Variants in PCMTD2 observed in about 807,000 individuals in gnomAD.
PCMTD2 encodes protein-L-isoaspartate O-methyltransferase domain-containing protein 2.
A neutral mutation model predicts 33.4 loss-of-function variants in PCMTD2; 16 were observed. That is an observed-to-expected ratio of 0.48 (90% CI 0.32 to 0.73). The LOEUF (loss-of-function observed/expected upper bound fraction) is 0.73. Ranked by LOEUF, PCMTD2 falls within the 30% of genes least tolerant of loss-of-function variation. PCMTD2 has a pLI of 0.03. For synonymous variants in PCMTD2, 161 were observed against 160.8 expected (o/e 1.00, Z -0.01); for missense variants, 374 against 449.9 (o/e 0.83, Z 1.53).
Position 64,274,286 on chromosome 20 carries a change from A to C in PCMTD2, c.*686A>C. The C allele has an allele frequency of 6.7e-6, 1 of 149,306 alleles. No homozygotes were observed. The allele number at this position is 149,306 out of a possible 1,614,324, so 9.2% of individuals were successfully genotyped here. On this transcript the variant is annotated 3_prime_UTR_variant, in exon 6 of 6. Coordinates refer to ENST00000308824, the MANE Select transcript of PCMTD2 (RefSeq NM_018257.3). ...GATAATCTTTCTGGAATTCCGAGAG[A>C]ATTCCAAAGAGGGTTTTTTTTTTTT...
rs1341205429 is a variant in PCMTD2, at chr20:64,265,359, A to C, written c.512A>C (p.Lys171Thr). Residue 171 changes from lysine to threonine, a missense_variant, in exon 4 of 6, where the codon AAA (lysine) becomes ACA (threonine). Transcript: ENST00000308824. ...GTATACTGTGGGGCTGGCGTGCAGA[A>C]AGAGCATGAAGAGTACATGAAGAAT... ...DRVYCGAGVQ[K>T]EHEEYMKNLL... The C allele has an allele frequency of 6.2e-7, 1 of 1,613,636 alleles. No homozygotes were observed. Among genetic ancestry groups the C allele is most frequent in the Non-Finnish European group, 8.5e-7 (1 of 1,179,900 alleles).
intron 2 of PCMTD2, 103 bp downstream of exon 2, chr20:64,260,375 G>T: frequency 2.6e-6 from 2 of 759,628 alleles, no homozygotes; most frequent in Non-Finnish European, 4.5e-6. Context: ...GGTCGAGACC[G>T]CAGCCTTCCC....
intron 1 of PCMTD2, among the ~76,000 whole-genome samples, chr20:64,257,249 C>A (rs1239004727): frequency 6.6e-6 from 1 of 152,218 alleles, no homozygotes; most frequent in Non-Finnish European, 1.5e-5. Context: ...TGTGTTGACA[C>A]AGCCACAATC....
chr20:64,259,941 G>A lies in PCMTD2; in HGVS notation c.-24-1G>A, dbSNP rs767646038. Reference sequence around the variant, plus strand: ...CTCTTTTTAAACATTTTTAATTATAGTATTGCCTAAGTGTAATCTTGAACA... The same window carrying A: ...CTCTTTTTAAACATTTTTAATTATAATATTGCCTAAGTGTAATCTTGAACA... On this transcript the variant is annotated splice_acceptor_variant, in intron 1 of 5. Transcript: ENST00000308824. LOFTEE classifies it low-confidence loss of function (5UTR_SPLICE). The A allele has an allele frequency of 1.3e-6, 2 of 1,494,762 alleles. No individual in the cohort carries two copies. Among genetic ancestry groups the A allele is most frequent in the Non-Finnish European group, 1.9e-6 (2 of 1,077,624 alleles). 92.6% of individuals were successfully genotyped at this position (1,494,762 alleles called of 1,614,324 possible).
intron 2 of PCMTD2, among the ~76,000 whole-genome samples, chr20:64,263,763 G>A (rs1456911834): frequency 6.6e-6 from 1 of 152,142 alleles, no homozygotes; most frequent in African/African-American, 2.4e-5. Flanking sequence ...GGTGATGACC[G>A]TTTTGCCTTT....
chr20:64,256,102 C>T (rs1985152012), intron 1 of PCMTD2, among the ~76,000 whole-genome samples: 1 of 152,186 alleles, frequency 6.6e-6, no homozygotes, highest in African/African-American at 2.4e-5. Context: ...CGGTCTCTCC[C>T]GGTGCCCGTT....
chr20:64,267,861 A>T, intron 4 of PCMTD2, 26 bp from the exon 5 acceptor site: 2 of 1,605,906 alleles, frequency 1.2e-6, no homozygotes, highest in Non-Finnish European at 1.7e-6. Flanking sequence ...ATTCTTTTGA[A>T]TATTCTCATT....
At chr20:64,256,060 G>GT (rs1156249562) in intron 1 of PCMTD2, 190 bp downstream of exon 1, 1 of 152,276 alleles carries the variant, frequency 6.6e-6, no homozygotes, top group Non-Finnish European at 1.5e-5. Flanking sequence ...GGCGTCCCGC[G>GT]TTTCTCTCTC....
rs201257903 is a variant in PCMTD2 at position 64,273,364 on chromosome 20, C to T, written c.850C>T (p.Arg284Cys). The T allele has an allele frequency of 7.4e-6, 12 of 1,614,142 alleles. No individual in the cohort carries two copies. The highest frequency in any genetic ancestry group is 6.7e-5 in the Admixed American group (4 of 60,024). The change falls in exon 6 of 6, where the codon CGC becomes TGC. Residue 284 changes from arginine to cysteine, a missense_variant. Transcript: ENST00000308824. ...CAGGTTTAAACGAAGGAGAGTTCGC[C>T]GCCGTCGAATGGAAACGATTGTCTT... ...TPRFKRRRVR[R>C]RRMETIVFLD...
In PCMTD2 at chr20:64,267,981, A is replaced by C; in HGVS notation, c.677A>C (p.Glu226Ala). 2.5e-6 allele frequency: 4 copies of C among 1,613,302 alleles called. No homozygotes were observed. The highest frequency in any genetic ancestry group is 3.4e-6 in the Non-Finnish European group (4 of 1,179,318). Residue 226 changes from glutamate to alanine, a missense_variant, in exon 5 of 6, where the codon GAG (glutamate) becomes GCG (alanine). Coordinates refer to ENST00000308824, the MANE Select transcript of PCMTD2 (RefSeq NM_018257.3). ...FAPLIQPCHS[E>A]SGKSRLVQLP... ...CCTCTGATCCAGCCCTGCCATTCAG[A>C]GTCAGGAAAATCAAGACTTGTCCAG...
chr20:64,264,406 T>A (rs1399129068), intron 2 of PCMTD2, 23 bp from the exon 3 acceptor site: 1 of 1,184,296 alleles, frequency 8.4e-7, no homozygotes, highest in African/African-American at 1.5e-5. Context: ...TTCTACATGT[T>A]TTCTTATTCT....
At position 64,262,765 on chromosome 20, in the gene PCMTD2, A is replaced by G. The variant is rs1040889343; in HGVS notation, c.308-1664A>G. 2.0e-5 allele frequency: 3 copies of G among 152,268 alleles called. 1 individual carries two copies. Among genetic ancestry groups the G allele is most frequent in the Admixed American group, 1.3e-4 (2 of 15,282 alleles). The allele number at this position is 152,268 out of a possible 1,614,324, so 9.4% of individuals were successfully genotyped here. A position where few individuals can be genotyped will look rare whatever the true frequency, so the allele number is the denominator to read the frequency against. ...GCTGTCCTTACCTTTGTTTGTCATC[A>G]ACCAGGGGAGAATACAGTAGCTACT... On this transcript the variant is annotated intron_variant, in intron 2 of 5. Transcript: ENST00000308824.
intron 4 of PCMTD2, among the ~76,000 whole-genome samples, chr20:64,266,339 C>G (rs1311979121): frequency 3.3e-5 from 5 of 152,144 alleles, no homozygotes; most frequent in Non-Finnish European, 4.4e-5. Context: ...CTTAGTGCAA[C>G]CTCTGCCTCC....
chr20:64,271,696 C>G (rs528110911), intron 5 of PCMTD2: 2 of 157,592 alleles, frequency 1.3e-5, no homozygotes, highest in Non-Finnish European at 2.8e-5. Context: ...GGGAGCAGCA[C>G]TGGGCTGGAT....
Position 64,275,203 on chromosome 20 carries a change from C to G in PCMTD2, c.*1603C>G, listed in dbSNP as rs1986061480. 6.6e-6 allele frequency: 1 copy of G among 152,030 alleles called. No individual in the cohort carries two copies. Among genetic ancestry groups the G allele is most frequent in the African/African-American group, 2.4e-5 (1 of 41,388 alleles). 9.4% of individuals were successfully genotyped at this position (152,030 alleles called of 1,614,324 possible). On this transcript the variant is annotated 3_prime_UTR_variant, in exon 6 of 6. Coordinates refer to ENST00000308824, the MANE Select transcript of PCMTD2 (RefSeq NM_018257.3). ...AAAGAAAGTTAGTTCATAGTTGTTG[C>G]CTTTTAACTCATAGTCAAGCTTCAG...
intron 1 of PCMTD2, chr20:64,258,687 C>T (rs943266846): frequency 6.6e-6 from 1 of 152,130 alleles, no homozygotes; most frequent in Non-Finnish European, 1.5e-5. Context: ...GTTAGAAATC[C>T]AGAGGAATGT....
intron 4 of PCMTD2, among the ~76,000 whole-genome samples, chr20:64,266,839 A>G (rs952179050): frequency 6.6e-6 from 1 of 152,238 alleles, no homozygotes; most frequent in Non-Finnish European, 1.5e-5. Flanking sequence ...AATATGAAAT[A>G]GGGGTTTATA....
rs1207960960 is a variant in PCMTD2, at chr20:64,275,028, CTG to C, written c.*1431_*1432del. 3.9e-5 allele frequency: 6 copies of C among 152,086 alleles called. No individual in the cohort carries two copies. Among genetic ancestry groups the C allele is most frequent in the Admixed American group, 2.0e-4 (3 of 15,262 alleles). The allele number at this position is 152,086 out of a possible 1,614,324, so 9.4% of individuals were successfully genotyped here. A position where few individuals can be genotyped will look rare whatever the true frequency, so the allele number is the denominator to read the frequency against. ...TGGGAGTTGCTGGGCTTCAGTGTCTCTGTGGTTTCACCAGCTTAGCTTGAGCT... is the reference window on the plus strand; with the variant it reads ...TGGGAGTTGCTGGGCTTCAGTGTCTCTGGTTTCACCAGCTTAGCTTGAGCT... On this transcript the variant is annotated 3_prime_UTR_variant, in exon 6 of 6. Coordinates refer to ENST00000308824, the MANE Select transcript of PCMTD2 (RefSeq NM_018257.3).
Position 64,275,018 on chromosome 20 carries a change from T to C in PCMTD2, c.*1418T>C, listed in dbSNP as rs1986056831. The C allele has an allele frequency of 6.6e-6, 1 of 152,204 alleles. No individual in the cohort carries two copies. The highest frequency in any genetic ancestry group is 2.1e-4 in the South Asian group (1 of 4,826). 9.4% of individuals were successfully genotyped at this position (152,204 alleles called of 1,614,324 possible). On this transcript the variant is annotated 3_prime_UTR_variant, in exon 6 of 6. Coordinates refer to ENST00000308824, the MANE Select transcript of PCMTD2 (RefSeq NM_018257.3). The stretch of plus-strand genomic sequence containing the variant: ...CTCAGCTTCTTGGGAGTTGCTGGGC[T>C]TCAGTGTCTCTGTGGTTTCACCAGC...
Sources: gnomAD v4.1 joint callset for allele counts (sites outside exome capture counted in the v4.1 genomes callset) on GRCh38, gnomAD v4.1.1 for gene constraint, MANE v1.5 for transcripts, NCBI Gene and HGNC (gene_info 2026-07-23, HGNC 2026-07-21) for gene names.